Variants in RCOR1 observed in about 807,000 individuals in gnomAD.
RCOR1 encodes REST corepressor 1.
A neutral mutation model predicts 64.0 loss-of-function variants in RCOR1; 12 were observed. That is an observed-to-expected ratio of 0.19 (90% CI 0.12 to 0.30). The LOEUF (loss-of-function observed/expected upper bound fraction) is 0.30. RCOR1 is among the 10% of genes least tolerant of loss of function. The pLI is 1.00. For synonymous variants in RCOR1, 279 were observed against 227.2 expected (o/e 1.23, Z -2.05); for missense variants, 502 against 621.2 (o/e 0.81, Z 2.04).
intron 2 of RCOR1, chr14:102,649,725 C>G (rs1894547098): frequency 1.1e-6 from 1 of 912,934 alleles, no homozygotes; most frequent in Non-Finnish European, 1.3e-6. Flanking sequence ...GCTTGTAAAT[C>G]TGGTTTGATG....
At chr14:102,665,776 A>G (rs572140871) in intron 2 of RCOR1, among the ~76,000 whole-genome samples, 43 of 152,332 alleles carry the variant, frequency 2.8e-4, no homozygotes, top group African/African-American at 9.4e-4. Context: ...GTGGACTACA[A>G]CAGTTCTTAT....
chr14:102,730,156 CG>C lies in RCOR1; in HGVS notation c.*3654del. The C allele has an allele frequency of 5.0e-6, 2 of 397,660 alleles. No individual in the cohort carries two copies. The highest frequency in any genetic ancestry group is 4.4e-6 in the Non-Finnish European group (1 of 225,750). The allele number at this position is 397,660 out of a possible 1,614,324, so 24.6% of individuals were successfully genotyped here. ...CCTTCTCCTAAAACGAAATTTATAC[CG>C]GGGTGGATAGTATTCCATTAGGTAG... On this transcript the variant is annotated 3_prime_UTR_variant, in exon 12 of 12. Transcript: ENST00000262241.
intron 2 of RCOR1, among the ~76,000 whole-genome samples, chr14:102,598,197 C>T (rs1315785338): frequency 6.6e-6 from 1 of 152,156 alleles, no homozygotes; most frequent in African/African-American, 2.4e-5. Flanking sequence ...CTCAGGTGAT[C>T]CACTCACCTC....
Position 102,714,550 on chromosome 14 carries a change from C to T in RCOR1, c.986C>T (p.Ala329Val), listed in dbSNP as rs1384685310. The T allele has an allele frequency of 2.5e-6, 4 of 1,613,884 alleles. No individual in the cohort carries two copies. The highest frequency in any genetic ancestry group is 1.1e-5 in the South Asian group (1 of 91,068). The change falls in exon 8 of 12, where the codon GCC becomes GTC. Residue 329 changes from alanine (A) to valine (V), a missense_variant. Coordinates refer to ENST00000262241, the MANE Select transcript of RCOR1 (RefSeq NM_015156.4). ...LSQEDVEAVS[A>V]NATAATTVLR... ...CAAGAAGATGTGGAGGCTGTTTCTG[C>T]CAATGCCACTGCTGCTACCACGGTG...
chr14:102,611,643 C>T (rs955881592), intron 2 of RCOR1, among the ~76,000 whole-genome samples: 16 of 152,086 alleles, frequency 1.1e-4, no homozygotes, highest in Admixed American at 1.0e-3. Context: ...TGCTTTTAAG[C>T]TCTGTTAGGT....
chr14:102,652,911 CTTTTTA>C (rs1167339869), intron 2 of RCOR1, among the ~76,000 whole-genome samples: 2 of 152,126 alleles, frequency 1.3e-5, no homozygotes, highest in African/African-American at 4.8e-5. Flanking sequence ...TAGTGTTACT[CTTTTTA>C]TTTTTATTTT....
At chr14:102,643,065 G>A (rs1200478056) in intron 2 of RCOR1, among the ~76,000 whole-genome samples, 1 of 152,140 alleles carries the variant, frequency 6.6e-6, no homozygotes, top group African/African-American at 2.4e-5. Flanking sequence ...GGCAGATCAC[G>A]AGGTCAGGAG....
intron 2 of RCOR1, among the ~76,000 whole-genome samples, chr14:102,628,893 CTT>C (rs569423625): frequency 1.0e-4 from 14 of 139,188 alleles, no homozygotes; most frequent in Non-Finnish European, 1.1e-4. Context: ...CCAACTTGCT[CTT>C]TTTTTTTTTT....
chr14:102,634,566 GT>G (rs935695272), intron 2 of RCOR1, among the ~76,000 whole-genome samples: 1 of 151,112 alleles, frequency 6.6e-6, no homozygotes, highest in Non-Finnish European at 1.5e-5. Context: ...TAAATACTAA[GT>G]TTTTTGACAT....
intron 2 of RCOR1, among the ~76,000 whole-genome samples, chr14:102,676,505 C>T (rs1456615589): frequency 9.3e-5 from 4 of 42,960 alleles, no homozygotes; most frequent in African/African-American, 2.4e-4. Context: ...GGCGGCTGGC[C>T]GACCCCCCCC....
intron 2 of RCOR1, among the ~76,000 whole-genome samples, chr14:102,676,753 G>A (rs1463860530): frequency 9.9e-6 from 1 of 100,732 alleles, no homozygotes; most frequent in Non-Finnish European, 2.1e-5. Flanking sequence ...CCTCCCTCCC[G>A]GACGGGGCGG....
intron 2 of RCOR1, among the ~76,000 whole-genome samples, chr14:102,666,285 G>A (rs1371299639): frequency 6.6e-6 from 1 of 152,144 alleles, no homozygotes. Context: ...TGCATGCCAT[G>A]GGTTTTTTCC....
intron 7 of RCOR1, among the ~76,000 whole-genome samples, chr14:102,713,774 A>G (rs1896008554): frequency 6.6e-6 from 1 of 152,234 alleles, no homozygotes; most frequent in South Asian, 2.1e-4. Context: ...CTTTTAAAAT[A>G]TGAAGCAGAA....
chr14:102,642,805 C>G (rs60075645), intron 2 of RCOR1, among the ~76,000 whole-genome samples: 19,182 of 152,128 alleles, frequency 0.13, 1,458 homozygotes, highest in African/African-American at 0.21. Context: ...CCACTGCACT[C>G]CAGCCTAGGT....
At chr14:102,593,430 T>C (rs1303312111) in intron 2 of RCOR1, 105 bp downstream of exon 2, 1 of 1,217,896 alleles carries the variant, frequency 8.2e-7, no homozygotes, top group Admixed American at 3.5e-5. Context: ...TTTTTGTGCG[T>C]TCGCCCTGCC....
At chr14:102,712,350 GTT>G (rs911421517) in intron 7 of RCOR1, among the ~76,000 whole-genome samples, 1 of 145,074 alleles carries the variant, frequency 6.9e-6, no homozygotes. Context: ...GCCCTGCTAG[GTT>G]TTTTTTTTTG....
In RCOR1 at chr14:102,727,846, T is replaced by G. The variant is rs1047707437; in HGVS notation, c.*1340T>G. 6.6e-6 allele frequency: 1 copy of G among 152,418 alleles called. No individual in the cohort carries two copies. Among genetic ancestry groups the G allele is most frequent in the Non-Finnish European group, 1.5e-5 (1 of 68,040 alleles). 9.4% of individuals were successfully genotyped at this position (152,418 alleles called of 1,614,324 possible). On this transcript the variant is annotated 3_prime_UTR_variant, in exon 12 of 12. Transcript: ENST00000262241. ...TTATCTTATCAGACCATGGGCCTGC[T>G]GAGGGTTGAGCAGACAGCCTGCATT...
chr14:102,660,926 T>TA (rs1894813913), intron 2 of RCOR1, among the ~76,000 whole-genome samples: 1 of 152,214 alleles, frequency 6.6e-6, no homozygotes, highest in African/African-American at 2.4e-5. Flanking sequence ...GATTAGTTTT[T>TA]AAAAAGGGCA....
intron 1 of RCOR1, 37 bp downstream of exon 1, chr14:102,593,224 G>GC: frequency 6.8e-7 from 1 of 1,480,186 alleles, no homozygotes; most frequent in African/African-American, 1.5e-5. Context: ...CGGGCCCCGC[G>GC]CCCCGCGCCG....
Sources: allele counts gnomAD v4.1 joint callset (sites outside exome capture counted in the v4.1 genomes callset), GRCh38; gene constraint gnomAD v4.1.1; transcripts MANE v1.5; gene names NCBI Gene and HGNC (gene_info 2026-07-23, HGNC 2026-07-21).